Variants in DLGAP2 observed in about 807,000 individuals in gnomAD.
DLGAP2 encodes disks large-associated protein 2.
DLGAP2 carries 26 observed loss-of-function variants against 100.3 expected under a neutral mutation model. That is an observed-to-expected ratio of 0.26 (90% confidence interval 0.19 to 0.36). The LOEUF is 0.36. DLGAP2 is among the 10% of genes least tolerant of loss of function. The probability of loss-of-function intolerance (pLI) is 1.00; values close to 1 mark genes in which losing one functional copy is unlikely to be tolerated. For missense variants in DLGAP2, 1,858 were observed against 1,453.2 expected, an observed-to-expected ratio of 1.28 and a Z score of -4.53; for synonymous variants, 886 against 630.1, an observed-to-expected ratio of 1.41 and a Z score of -6.08.
chr8:1,104,677 G>A (rs1049389078), intron 2 of DLGAP2, among the ~76,000 whole-genome samples: 2 of 152,034 alleles, frequency 1.3e-5, no homozygotes, highest in South Asian at 2.1e-4. Flanking sequence ...AGAAGCTGTC[G>A]CTCCCTGGGC....
intron 1 of DLGAP2, among the ~76,000 whole-genome samples, chr8:743,446 G>C (rs968157101): frequency 6.6e-6 from 1 of 152,180 alleles, no homozygotes; most frequent in Non-Finnish European, 1.5e-5. Context: ...ATATATAACA[G>C]TTAAAAATAC....
intron 3 of DLGAP2, among the ~76,000 whole-genome samples, chr8:1,410,202 C>T (rs1796688267): frequency 6.6e-6 from 1 of 152,164 alleles, no homozygotes; most frequent in Non-Finnish European, 1.5e-5. Context: ...GGGCCCAGAT[C>T]ATCTGGGAGT....
intron 3 of DLGAP2, among the ~76,000 whole-genome samples, chr8:1,420,779 C>T (rs1170198054): frequency 6.6e-6 from 1 of 152,162 alleles, no homozygotes; most frequent in Non-Finnish European, 1.5e-5. Context: ...TTGGCCCTCC[C>T]ACAGTGACCT....
intron 2 of DLGAP2, among the ~76,000 whole-genome samples, chr8:1,135,425 G>A (rs1041540996): frequency 6.0e-5 from 9 of 151,248 alleles, no homozygotes; most frequent in South Asian, 2.1e-4. Context: ...GTGGAGAGGC[G>A]GAAATGGTTT....
chr8:1,300,552 A>T (rs1014424550), intron 3 of DLGAP2: 3 of 152,194 alleles, frequency 2.0e-5, no homozygotes, highest in Admixed American at 6.5e-5. Flanking sequence ...CGCGAAGCAC[A>T]CCCTGTCGTG....
intron 2 of DLGAP2, among the ~76,000 whole-genome samples, chr8:1,191,313 G>A (rs1258233052): frequency 6.6e-6 from 1 of 151,692 alleles, no homozygotes; most frequent in Non-Finnish European, 1.5e-5. Flanking sequence ...TGGGACTACA[G>A]GCACCCGCCA....
chr8:1,424,675 A>G (rs958849482), intron 3 of DLGAP2, among the ~76,000 whole-genome samples: 1 of 151,916 alleles, frequency 6.6e-6, no homozygotes, highest in African/African-American at 2.4e-5. Context: ...CCTTACACAC[A>G]GCACCTGGAG....
At chr8:1,438,700 C>A (rs932331346) in intron 3 of DLGAP2, among the ~76,000 whole-genome samples, 3 of 152,210 alleles carry the variant, frequency 2.0e-5, no homozygotes, top group Admixed American at 6.5e-5. Context: ...TCACAATACA[C>A]ACTTCATCAG....
intron 2 of DLGAP2, among the ~76,000 whole-genome samples, chr8:1,152,835 C>T (rs560573754): frequency 3.3e-5 from 5 of 152,284 alleles, no homozygotes; most frequent in Admixed American, 3.3e-4. Context: ...GCAAAAAATG[C>T]TGCCGTGTTC....
chr8:1,438,723 G>A (rs909535573), intron 3 of DLGAP2, among the ~76,000 whole-genome samples: 19 of 152,172 alleles, frequency 1.2e-4, no homozygotes, highest in African/African-American at 4.3e-4. Context: ...AATCACTTCC[G>A]CATGCACAGA....
chr8:1,216,052 T>A (rs1798206550), intron 2 of DLGAP2, among the ~76,000 whole-genome samples: 1 of 152,224 alleles, frequency 6.6e-6, no homozygotes, highest in Admixed American at 6.5e-5. Flanking sequence ...CTGGTGCATC[T>A]GTGCATTGGT....
chr8:1,644,648 A>C (rs951150914), intron 8 of DLGAP2, among the ~76,000 whole-genome samples: 1 of 152,246 alleles, frequency 6.6e-6, no homozygotes, highest in Admixed American at 6.5e-5. Flanking sequence ...TTACTGAAAC[A>C]AACAGAATCT....
intron 4 of DLGAP2, among the ~76,000 whole-genome samples, chr8:1,520,645 C>T (rs180900994): frequency 1.3e-5 from 2 of 152,300 alleles, no homozygotes; most frequent in East Asian, 1.9e-4. Flanking sequence ...CTTTGTAGTT[C>T]TGCCTTTTCC....
intron 2 of DLGAP2, among the ~76,000 whole-genome samples, chr8:1,100,029 A>G (rs1169883255): frequency 6.6e-6 from 1 of 152,258 alleles, no homozygotes; most frequent in Non-Finnish European, 1.5e-5. Flanking sequence ...TAAGTTTTGA[A>G]TTGCACACTG....
chr8:1,432,226 GC>G (rs1369368682), intron 3 of DLGAP2, among the ~76,000 whole-genome samples: 1 of 152,236 alleles, frequency 6.6e-6, no homozygotes, highest in Admixed American at 6.5e-5. Flanking sequence ...AAAGCCAGTG[GC>G]TAAGATGAAG....
chr8:1,575,576 G>A (rs370997209), intron 6 of DLGAP2, among the ~76,000 whole-genome samples: 13 of 149,114 alleles, frequency 8.7e-5, no homozygotes, highest in East Asian at 4.1e-4. Flanking sequence ...CCATTAACTC[G>A]TCATTTACAT....
chr8:882,432 A>G (rs1407130657), intron 1 of DLGAP2, among the ~76,000 whole-genome samples: 3 of 107,270 alleles, frequency 2.8e-5, no homozygotes, highest in Non-Finnish European at 3.8e-5. Flanking sequence ...CCCTCGCCTG[A>G]TCCAGCGGTA....
chr8:1,185,286 C>T (rs1449026179), intron 2 of DLGAP2, among the ~76,000 whole-genome samples: 1 of 152,048 alleles, frequency 6.6e-6, no homozygotes, highest in Non-Finnish European at 1.5e-5. Flanking sequence ...AACTTCAGGG[C>T]TGTGGTGCAA....
chr8:1,199,400 A>G (rs1429831768), intron 2 of DLGAP2, among the ~76,000 whole-genome samples: 1 of 152,204 alleles, frequency 6.6e-6, no homozygotes, highest in Non-Finnish European at 1.5e-5. Flanking sequence ...CCAGGATTAC[A>G]GAAGAGAAGT....
Sources: allele counts gnomAD v4.1 joint callset (sites outside exome capture counted in the v4.1 genomes callset), GRCh38; gene constraint gnomAD v4.1.1; transcripts MANE v1.5; gene names NCBI Gene and HGNC (gene_info 2026-07-23, HGNC 2026-07-21).